Variants in NTNG2 observed in about 807,000 individuals in gnomAD.
NTNG2 encodes the protein netrin G2, also known as netrin-G2.
Under a neutral mutation model 47.6 loss-of-function variants are expected in NTNG2, and 15 were observed. The ratio of observed to expected loss-of-function variants is 0.32; its 90% CI spans 0.21 to 0.49. NTNG2 has a LOEUF of 0.49. Ranked by LOEUF, NTNG2 falls within the 20% of genes least tolerant of loss-of-function variation. NTNG2 has a pLI of 0.99. For missense variants in NTNG2, 578 were observed against 764.6 expected (o/e 0.76, Z 2.88); for synonymous variants, 307 against 324.6 (o/e 0.95, Z 0.58).
In NTNG2 at chr9:132,231,419, C is replaced by T. The variant is rs773659824; in HGVS notation, c.1054+824C>T. The T allele has an allele frequency of 2.5e-5, 11 of 444,540 alleles. No homozygotes were observed. The highest frequency in any genetic ancestry group is 4.8e-5 in the Admixed American group (2 of 41,420). The allele number at this position is 444,540 out of a possible 1,614,324, so 27.5% of individuals were successfully genotyped here. A position where few individuals can be genotyped will look rare whatever the true frequency, so the allele number is the denominator to read the frequency against. On this transcript the variant is annotated intron_variant, in intron 5 of 7. Coordinates refer to ENST00000393229, the MANE Select transcript of NTNG2 (RefSeq NM_032536.4). This position sits in a 1 kb window ranked among gnomAD's most constrained non-coding sequence, Gnocchi z 4.1. ...TCTCAGAGATGCTTCTGGGGTGCACCGTCACCCTCCACCAGGGCTCTGTGG... is the reference window on the plus strand; with the variant it reads ...TCTCAGAGATGCTTCTGGGGTGCACTGTCACCCTCCACCAGGGCTCTGTGG...
intron 3 of NTNG2, among the ~76,000 whole-genome samples, chr9:132,212,822 T>C (rs528803021): frequency 6.6e-6 from 1 of 152,286 alleles, no homozygotes; most frequent in East Asian, 1.9e-4. Context: ...ACTTGTCACC[T>C]CTTACTCAAG....
intron 2 of NTNG2, among the ~76,000 whole-genome samples, chr9:132,187,518 G>T (rs1025180666): frequency 2.7e-5 from 4 of 149,186 alleles, no homozygotes; most frequent in Non-Finnish European, 5.9e-5. Flanking sequence ...AGCGATCAAT[G>T]AAACCATAGA....
chr9:132,238,448 CA>C (rs1229962023), intron 5 of NTNG2, among the ~76,000 whole-genome samples: 1 of 152,120 alleles, frequency 6.6e-6, no homozygotes, highest in Admixed American at 6.5e-5. Context: ...GGGCCAGGAC[CA>C]GGGGGAGGCA....
intron 3 of NTNG2, among the ~76,000 whole-genome samples, chr9:132,204,628 A>G (rs1266079233): frequency 6.6e-6 from 1 of 152,006 alleles, no homozygotes; most frequent in East Asian, 1.9e-4. Context: ...GGCAGAGACA[A>G]CTCCCTCAGC....
Position 132,243,654 on chromosome 9 carries a change from G to A in NTNG2, c.*1543G>A, listed in dbSNP as rs1842112212. On this transcript the variant is annotated 3_prime_UTR_variant, in exon 8 of 8. Coordinates refer to ENST00000393229, the MANE Select transcript of NTNG2 (RefSeq NM_032536.4). ...GCAGGTGCTCCCAGCACTGGCTTCTGCCACCACACCTGTTCTTTCCCAGCT... is the reference window on the plus strand; with the variant it reads ...GCAGGTGCTCCCAGCACTGGCTTCTACCACCACACCTGTTCTTTCCCAGCT... 2 of 152,442 alleles carry A rather than the reference G, an allele frequency of 1.3e-5. No homozygotes were observed. The highest frequency in any genetic ancestry group is 2.9e-5 in the Non-Finnish European group (2 of 68,228). 9.4% of individuals were successfully genotyped at this position (152,442 alleles called of 1,614,324 possible). A position where few individuals can be genotyped will look rare whatever the true frequency, so the allele number is the denominator to read the frequency against.
In NTNG2 at chr9:132,163,735, C is replaced by T. The variant is rs1375400583; in HGVS notation, c.-484+1496C>T. ...ACGGCGAGGGCGCAGCAGGCAACTC[C>T]AAGAGGAACCTGCTGGCGAGCCCAG... On this transcript the variant is annotated intron_variant, in intron 1 of 7. Transcript: ENST00000393229. The surrounding 1 kb of genome is among the most constrained non-coding windows in gnomAD (Gnocchi z 7.2). Among the ~76,000 whole-genome samples the T allele has an allele frequency of 6.6e-6, 1 of 152,244 alleles. No homozygotes were observed.
At chr9:132,178,701 G>T (rs753485959) in intron 2 of NTNG2, among the ~76,000 whole-genome samples, 12 of 151,440 alleles carry the variant, frequency 7.9e-5, no homozygotes, top group Non-Finnish European at 1.6e-4. Flanking sequence ...AGCACTCTGG[G>T]AGGCTGAGGC....
rs1835543130 is a variant in NTNG2 at position 132,167,026 on chromosome 9, T to A, written c.195T>A (p.Pro65=). The change falls in exon 2 of 8, where the codon CCT becomes CCA. Residue 65 remains proline, a synonymous_variant. Transcript: ENST00000393229. ...EPSGITCGDP[P]ERFCSHENPY... The stretch of plus-strand genomic sequence containing the variant: ...CAGGCATCACATGTGGAGACCCCCC[T>A]GAGAGGTTCTGCTCCCATGTAAGTC... The A allele has an allele frequency of 6.2e-7, 1 of 1,614,078 alleles. No individual in the cohort carries two copies. The highest frequency in any genetic ancestry group is 8.5e-7 in the Non-Finnish European group (1 of 1,180,024).
At chr9:132,194,145 T>G (rs918984575) in intron 2 of NTNG2, among the ~76,000 whole-genome samples, 1 of 151,980 alleles carries the variant, frequency 6.6e-6, no homozygotes, top group Non-Finnish European at 1.5e-5. Flanking sequence ...CCCTAGGAAG[T>G]CCCCAGGGGC....
intron 2 of NTNG2, among the ~76,000 whole-genome samples, chr9:132,189,792 G>A (rs974657424): frequency 2.6e-5 from 4 of 151,722 alleles, no homozygotes; most frequent in African/African-American, 4.8e-5. Context: ...GGCACGAAAC[G>A]CTATGCCCAA....
intron 1 of NTNG2, chr9:132,166,003 T>C (rs1377493753): frequency 6.6e-6 from 1 of 152,226 alleles, no homozygotes; most frequent in Non-Finnish European, 1.5e-5. Flanking sequence ...GAGCTCTCTC[T>C]CTCTCCTCCC....
intron 5 of NTNG2, among the ~76,000 whole-genome samples, chr9:132,234,701 TGGAG>T (rs1337546766): frequency 2.0e-5 from 3 of 152,230 alleles, no homozygotes; most frequent in Non-Finnish European, 4.4e-5. Context: ...CCACGGAGGA[TGGAG>T]GGAGACAGGC....
rs1026181043 is a variant in NTNG2 at position 132,243,609 on chromosome 9, C to G, written c.*1498C>G. On this transcript the variant is annotated 3_prime_UTR_variant, in exon 8 of 8. Transcript: ENST00000393229. ...CCGGGGGTCCGGTCCTGGTTGCTAA[C>G]TGCTGCCACTGCTCCACCTGCAGGT... The G allele has an allele frequency of 3.9e-5, 6 of 152,422 alleles. No homozygotes were observed. The highest frequency in any genetic ancestry group is 1.4e-4 in the African/African-American group (6 of 41,466). 9.4% of individuals were successfully genotyped at this position (152,422 alleles called of 1,614,324 possible). A position where few individuals can be genotyped will look rare whatever the true frequency, so the allele number is the denominator to read the frequency against.
chr9:132,227,036 C>G lies in NTNG2; in HGVS notation c.1030+15C>G, dbSNP rs780497295. On this transcript the variant is annotated intron_variant, in intron 4 of 7. Transcript: ENST00000393229. ...TCCCAACGCCTGTACGTGCCATGCCCCGGGGCCACGAGCCCACATGGCTAT... is the reference window on the plus strand; with the variant it reads ...TCCCAACGCCTGTACGTGCCATGCCGCGGGGCCACGAGCCCACATGGCTAT... 11 of 1,580,224 alleles carry G rather than the reference C, an allele frequency of 7.0e-6. No homozygotes were observed. The South Asian group carries it at 1.2e-4, about 18-fold the overall frequency.
rs147155883 is a variant in NTNG2, at chr9:132,211,023, C to T, written c.857+12414C>T. Among the ~76,000 whole-genome samples the T allele has an allele frequency of 7.3e-3, 1,107 of 152,344 alleles. 4 individuals are homozygous for T. The highest frequency in any genetic ancestry group is 0.024 in the Middle Eastern group (7 of 294). ...AGCACCCAGTCATAGACACATCACA[C>T]TCCACATGGCTGCCTTGCACCCCTG... is the stretch of plus-strand genomic sequence containing the variant. On this transcript the variant is annotated intron_variant, in intron 3 of 7. Transcript: ENST00000393229.
chr9:132,174,344 A>C (rs78077412), intron 2 of NTNG2, among the ~76,000 whole-genome samples: 2 of 116,272 alleles, frequency 1.7e-5, no homozygotes, highest in South Asian at 6.0e-4. Context: ...AGACAGGTCG[A>C]ACCATGCTGC....
chr9:132,172,912 G>C (rs1180726812), intron 2 of NTNG2, among the ~76,000 whole-genome samples: 1 of 151,922 alleles, frequency 6.6e-6, no homozygotes, highest in Admixed American at 6.6e-5. Context: ...TGTATTTTTA[G>C]TAGAGACGGG....
At chr9:132,230,930 T>TG in intron 5 of NTNG2, among the ~76,000 whole-genome samples, 1 of 152,158 alleles carries the variant, frequency 6.6e-6, no homozygotes, top group Middle Eastern at 3.4e-3. Context: ...GGCCCCTGGG[T>TG]GGGCTCCCTG....
At chr9:132,213,307 C>T (rs146735380) in intron 3 of NTNG2, among the ~76,000 whole-genome samples, 38 of 134,292 alleles carry the variant, frequency 2.8e-4, no homozygotes, top group Non-Finnish European at 4.8e-4. Context: ...CCAGCCTGGG[C>T]GATGACAGAG....
Sources: gnomAD v4.1 joint callset for allele counts (sites outside exome capture counted in the v4.1 genomes callset) on GRCh38, gnomAD v4.1.1 for gene constraint, Gnocchi (gnomAD v3.1) non-coding constraint, MANE v1.5 for transcripts, NCBI Gene and HGNC (gene_info 2026-07-23, HGNC 2026-07-21) for gene names.